KIAA1143: variants seen among roughly 807,000 people sequenced by gnomAD.
KIAA1143 encodes uncharacterized protein KIAA1143.
Under a neutral mutation model 17.0 loss-of-function variants are expected in KIAA1143, and 8 were observed. That is an observed-to-expected ratio of 0.47 (90% CI 0.28 to 0.85). The LOEUF (loss-of-function observed/expected upper bound fraction) is 0.85, where lower values mean the gene tolerates loss of function less well. Among genes scored for constraint, KIAA1143 ranks in the 40% least tolerant of loss-of-function variants. The pLI, the probability that KIAA1143 is intolerant of heterozygous loss-of-function variation, is 0.12. For synonymous variants in KIAA1143, 64 were observed against 67.8 expected (o/e 0.94, Z 0.27); for missense variants, 162 against 183.3 (o/e 0.88, Z 0.67).
In KIAA1143 at chr3:44,750,225, T is replaced by C. The variant is rs1264860075; in HGVS notation, c.*3116A>G. ...AAGTTAATTCAAAAACTTTTGACCTTAAACTAACTTTTTGGATATTAGGCT... is the reference window on the plus strand; with the variant it reads ...AAGTTAATTCAAAAACTTTTGACCTCAAACTAACTTTTTGGATATTAGGCT... On this transcript the variant is annotated 3_prime_UTR_variant, in exon 3 of 3. Transcript: ENST00000296121. 3 of 152,244 alleles carry C rather than the reference T, an allele frequency of 2.0e-5. No individual in the cohort carries two copies. The highest frequency in any genetic ancestry group is 7.2e-5 in the African/African-American group (3 of 41,462). The allele number at this position is 152,244 out of a possible 1,614,324, so 9.4% of individuals were successfully genotyped here. A position where few individuals can be genotyped will look rare whatever the true frequency, so the allele number is the denominator to read the frequency against.
At position 44,752,836 on chromosome 3, in the gene KIAA1143, C is replaced by T. The variant is rs925651355; in HGVS notation, c.*505G>A. The T allele has an allele frequency of 1.3e-5, 2 of 153,100 alleles. No homozygotes were observed. The highest frequency in any genetic ancestry group is 2.9e-5 in the Non-Finnish European group (2 of 68,762). The allele number at this position is 153,100 out of a possible 1,614,324, so 9.5% of individuals were successfully genotyped here. Reference sequence around the variant, plus strand: ...GCCAGAGCTGAGTCTCATGGCCACCCTTAGCAGGAGTTGGGGAGGTATTTT... The same window carrying T: ...GCCAGAGCTGAGTCTCATGGCCACCTTTAGCAGGAGTTGGGGAGGTATTTT... On this transcript the variant is annotated 3_prime_UTR_variant, in exon 3 of 3. Coordinates refer to ENST00000296121, the MANE Select transcript of KIAA1143 (RefSeq NM_020696.4).
At chr3:44,753,826 A>G (rs1189936829) in intron 2 of KIAA1143, among the ~76,000 whole-genome samples, 1 of 152,236 alleles carries the variant, frequency 6.6e-6, no homozygotes, top group African/African-American at 2.4e-5. Flanking sequence ...TTGGAACTAC[A>G]GCATTTTCCC....
chr3:44,755,005 C>G (rs1293046741), intron 1 of KIAA1143, among the ~76,000 whole-genome samples: 2 of 152,142 alleles, frequency 1.3e-5, no homozygotes, highest in East Asian at 3.9e-4. Context: ...ACCATGTACT[C>G]CCTGTATATG....
In KIAA1143 at chr3:44,749,820, T is replaced by C. The variant is rs1458935985; in HGVS notation, c.*3521A>G. The C allele has an allele frequency of 6.6e-6, 1 of 152,236 alleles. No individual in the cohort carries two copies. The highest frequency in any genetic ancestry group is 2.4e-5 in the African/African-American group (1 of 41,462). The allele number at this position is 152,236 out of a possible 1,614,324, so 9.4% of individuals were successfully genotyped here. A position where few individuals can be genotyped will look rare whatever the true frequency, so the allele number is the denominator to read the frequency against. ...TTTTTTATTTTTTTTGAGACAGTTC[T>C]TACTCTGTTGCCCAGGCTGGAGTGC... On this transcript the variant is annotated 3_prime_UTR_variant, in exon 3 of 3. Transcript: ENST00000296121.
At position 44,753,084 on chromosome 3, in the gene KIAA1143, T is replaced by G. The variant is rs1704912406; in HGVS notation, c.*257A>C. ...ATTTTGTTTACACACAAAAAATGTATTTTGCTTAAAAATATAATTTACATA... is the reference window on the plus strand; with the variant it reads ...ATTTTGTTTACACACAAAAAATGTAGTTTGCTTAAAAATATAATTTACATA... On this transcript the variant is annotated 3_prime_UTR_variant, in exon 3 of 3. Coordinates refer to ENST00000296121, the MANE Select transcript of KIAA1143 (RefSeq NM_020696.4). 2 of 276,084 alleles carry G rather than the reference T, an allele frequency of 7.2e-6. No individual in the cohort carries two copies. Among genetic ancestry groups the G allele is most frequent in the African/African-American group, 4.4e-5 (2 of 45,296 alleles). 17.1% of individuals were successfully genotyped at this position (276,084 alleles called of 1,614,324 possible).
At position 44,749,586 on chromosome 3, in the gene KIAA1143, A is replaced by C. The variant is rs1017373597; in HGVS notation, c.*3755T>G. On this transcript the variant is annotated 3_prime_UTR_variant, in exon 3 of 3. Transcript: ENST00000296121. ...AATCACCTCTAAAGGCTCAGACTTT[A>C]AAGTGCTTCCCCTCCCTTCCCTACC... 6.6e-6 allele frequency: 1 copy of C among 152,182 alleles called. No homozygotes were observed. The highest frequency in any genetic ancestry group is 6.5e-5 in the Admixed American group (1 of 15,280). 9.4% of individuals were successfully genotyped at this position (152,182 alleles called of 1,614,324 possible).
chr3:44,754,161 T>G (rs1317829941), intron 2 of KIAA1143, 63 bp downstream of exon 2: 1 of 1,548,286 alleles, frequency 6.5e-7, no homozygotes, highest in East Asian at 2.2e-5. Context: ...CTAAATAAAA[T>G]AAACAATTTC....
chr3:44,753,385 T>A lies in KIAA1143; in HGVS notation c.421A>T (p.Asn141Tyr). Residue 141 changes from asparagine to tyrosine, a missense_variant, in exon 3 of 3, where the codon AAT becomes TAT. By Grantham distance (143) the Asn-to-Tyr change is moderately radical. Coordinates refer to ENST00000296121, the MANE Select transcript of KIAA1143 (RefSeq NM_020696.4). Reference sequence around the variant, plus strand: ...TTGTCAAAAGAAAGGAGGCTACTATTTTTAATTTGTTTTTGTGAGTTCTTT... The same window carrying A: ...TTGTCAAAAGAAAGGAGGCTACTATATTTAATTTGTTTTTGTGAGTTCTTT... ...VKKNSQKQIK[N>Y]SSLLSFDNED... 6.2e-7 allele frequency: 1 copy of A among 1,600,682 alleles called. No individual in the cohort carries two copies. The highest frequency in any genetic ancestry group is 8.6e-7 in the Non-Finnish European group (1 of 1,168,416).
chr3:44,751,495 C>G lies in KIAA1143; in HGVS notation c.*1846G>C, dbSNP rs1311871253. The G allele has an allele frequency of 2.0e-5, 3 of 152,204 alleles. No individual in the cohort carries two copies. The highest frequency in any genetic ancestry group is 1.5e-5 in the Non-Finnish European group (1 of 68,044). The allele number at this position is 152,204 out of a possible 1,614,324, so 9.4% of individuals were successfully genotyped here. On this transcript the variant is annotated 3_prime_UTR_variant, in exon 3 of 3. Transcript: ENST00000296121. ...AATCGAAGGGGACTAGATCTCCTAA[C>G]TGCTGAAACAGGTGGCTTATGTATT...
Position 44,752,731 on chromosome 3 carries a change from C to T in KIAA1143, c.*610G>A, listed in dbSNP as rs550342323. Reference sequence around the variant, plus strand: ...GGATGAAAAGATAAGAGCAAAGGCTCATGTTTGCCAAGTCTGTCCTTTTGT... The same window carrying T: ...GGATGAAAAGATAAGAGCAAAGGCTTATGTTTGCCAAGTCTGTCCTTTTGT... On this transcript the variant is annotated 3_prime_UTR_variant, in exon 3 of 3. Coordinates refer to ENST00000296121, the MANE Select transcript of KIAA1143 (RefSeq NM_020696.4). 1.3e-5 allele frequency: 2 copies of T among 152,442 alleles called. No homozygotes were observed. Among genetic ancestry groups the T allele is most frequent in the East Asian group, 3.9e-4 (2 of 5,178 alleles). The allele number at this position is 152,442 out of a possible 1,614,324, so 9.4% of individuals were successfully genotyped here. A position where few individuals can be genotyped will look rare whatever the true frequency, so the allele number is the denominator to read the frequency against.
rs1704891734 is a variant in KIAA1143, at chr3:44,751,454, A to C, written c.*1887T>G. 1.3e-5 allele frequency: 2 copies of C among 152,216 alleles called. No individual in the cohort carries two copies. Among genetic ancestry groups the C allele is most frequent in the South Asian group, 4.1e-4 (2 of 4,826 alleles). The allele number at this position is 152,216 out of a possible 1,614,324, so 9.4% of individuals were successfully genotyped here. ...TACAAATTCGGATAGGCTCCTTGGC[A>C]GTGGTCGCTTTGCAAAATCGAAGGG... On this transcript the variant is annotated 3_prime_UTR_variant, in exon 3 of 3. Transcript: ENST00000296121.
rs1704899016 is a variant in KIAA1143, at chr3:44,752,103, G to A, written c.*1238C>T. On this transcript the variant is annotated 3_prime_UTR_variant, in exon 3 of 3. Coordinates refer to ENST00000296121, the MANE Select transcript of KIAA1143 (RefSeq NM_020696.4). ...CCTCTCCATACCTAAGTAACAAAAG[G>A]ATCAGAGGCTACTCCCTTTGCAATC... The A allele has an allele frequency of 6.6e-6, 1 of 152,058 alleles. No homozygotes were observed. Among genetic ancestry groups the A allele is most frequent in the Non-Finnish European group, 1.5e-5 (1 of 68,006 alleles). 9.4% of individuals were successfully genotyped at this position (152,058 alleles called of 1,614,324 possible).
Position 44,761,527 on chromosome 3 carries a change from C to T in KIAA1143, c.76G>A (p.Gly26Ser), listed in dbSNP as rs775924003. The change falls in exon 1 of 3, where the codon GGC (glycine) becomes AGC (serine). Residue 26 changes from glycine to serine, a missense_variant. Coordinates refer to ENST00000296121, the MANE Select transcript of KIAA1143 (RefSeq NM_020696.4). ...TCTACGGTGGGTCCCTCCCTGTAGC[C>T]GACCCGTTCCTTGAAGCGGGCCAGA... is the stretch of plus-strand genomic sequence containing the variant. ...AFLARFKERV[G>S]YREGPTVETK... is the part of the protein sequence containing the mutation. 12 of 1,614,024 alleles carry T rather than the reference C, an allele frequency of 7.4e-6. No homozygotes were observed. The East Asian group carries it at 2.5e-4, about 33-fold the overall frequency.
chr3:44,758,667 A>G lies in KIAA1143; in HGVS notation c.108+2828T>C, dbSNP rs529215326. 8.5e-5 allele frequency among the ~76,000 whole-genome samples: 13 copies of G among 152,244 alleles called. No homozygotes were observed. The East Asian group carries it at 2.5e-3, about 29-fold the overall frequency. On this transcript the variant is annotated intron_variant, in intron 1 of 2. Coordinates refer to ENST00000296121, the MANE Select transcript of KIAA1143 (RefSeq NM_020696.4). ...TCCACTGAAGGCCTGAATCTCTCGA[A>G]GTCATCCATGAAGGTTGGAATCAAC...
chr3:44,752,299 G>A lies in KIAA1143; in HGVS notation c.*1042C>T, dbSNP rs867214582. On this transcript the variant is annotated 3_prime_UTR_variant, in exon 3 of 3. Coordinates refer to ENST00000296121, the MANE Select transcript of KIAA1143 (RefSeq NM_020696.4). ...TTTCTGCACCAATCAGACAGGTCACGGGCCACTACTTCATTTACACAGGGT... is the reference window on the plus strand; with the variant it reads ...TTTCTGCACCAATCAGACAGGTCACAGGCCACTACTTCATTTACACAGGGT... 3.4e-4 allele frequency: 52 copies of A among 151,244 alleles called. No homozygotes were observed. Among genetic ancestry groups the A allele is most frequent in the Admixed American group, 1.1e-3 (16 of 15,170 alleles). The allele number at this position is 151,244 out of a possible 1,614,324, so 9.4% of individuals were successfully genotyped here.
rs1294504631 is a variant in KIAA1143 at position 44,750,170 on chromosome 3, TAAGA to T, written c.*3167_*3170del. On this transcript the variant is annotated 3_prime_UTR_variant, in exon 3 of 3. Transcript: ENST00000296121. ...ATAAATTACATAACTTACAAATTAG[TAAGA>T]AAGATATGACCATACTAATGGAAAA... The T allele has an allele frequency of 6.6e-6, 1 of 152,202 alleles. No homozygotes were observed. Among genetic ancestry groups the T allele is most frequent in the African/African-American group, 2.4e-5 (1 of 41,442 alleles). 9.4% of individuals were successfully genotyped at this position (152,202 alleles called of 1,614,324 possible). A position where few individuals can be genotyped will look rare whatever the true frequency, so the allele number is the denominator to read the frequency against.
chr3:44,760,451 G>A lies in KIAA1143; in HGVS notation c.108+1044C>T, dbSNP rs553231399. On this transcript the variant is annotated intron_variant, in intron 1 of 2. Transcript: ENST00000296121. ...GTCGCCCAGTCTGGAGTGCAGTGGC[G>A]CGATCTCGGCTCACTGCAAGCTCCT... Among the ~76,000 whole-genome samples, 4 of 152,052 alleles carry A rather than the reference G, an allele frequency of 2.6e-5. No homozygotes were observed. The South Asian group carries it at 8.3e-4, about 32-fold the overall frequency.
intron 1 of KIAA1143, among the ~76,000 whole-genome samples, chr3:44,754,737 T>C (rs538720755): frequency 6.6e-6 from 1 of 152,320 alleles, no homozygotes; most frequent in South Asian, 2.1e-4. Flanking sequence ...TTCTCTGAGT[T>C]AGACAAGAAA....
Position 44,761,587 on chromosome 3 carries a change from G to A in KIAA1143, c.16C>T (p.Gln6Ter), listed in dbSNP as rs751223698. MSKRN[Q>*]VSYVRPAEPA... is the part of the protein sequence containing the mutation. ...TCGGCTGGCCGCACGTACGATACCT[G>A]GTTCCGCTTGCTCATGGTAGCTCTG... The change falls in exon 1 of 3, where the codon CAG becomes TAG. Residue 6 changes from glutamine to a stop codon, truncating the protein, a stop_gained. Transcript: ENST00000296121. LOFTEE classifies it high-confidence loss of function. 3.1e-6 allele frequency: 5 copies of A among 1,611,088 alleles called. No individual in the cohort carries two copies. Among genetic ancestry groups the A allele is most frequent in the East Asian group, 4.5e-5 (2 of 44,542 alleles).
Sources: allele counts gnomAD v4.1 joint callset (sites outside exome capture counted in the v4.1 genomes callset), GRCh38; gene constraint gnomAD v4.1.1; transcripts MANE v1.5; gene names NCBI Gene and HGNC (gene_info 2026-07-23, HGNC 2026-07-21).